The following PAFAH1B3 variants were observed in gnomAD, a reference collection of about 807,000 sequenced individuals.
PAFAH1B3 encodes the protein platelet-activating factor acetylhydrolase IB subunit alpha1.
Under a neutral mutation model 24.4 loss-of-function variants are expected in PAFAH1B3, and 15 were observed. That is an observed-to-expected ratio of 0.62 (90% confidence interval 0.41 to 0.95). PAFAH1B3 has a LOEUF of 0.95. Ranked by LOEUF, PAFAH1B3 falls within the 40% of genes least tolerant of loss-of-function variation. The pLI is 0.00. For missense variants in PAFAH1B3, 266 were observed against 312.2 expected (o/e 0.85, Z 1.12); for synonymous variants, 144 against 126.5 (o/e 1.14, Z -0.93).
At chr19:42,299,629 C>T (rs918755779) in intron 4 of PAFAH1B3, among the ~76,000 whole-genome samples, 14 of 151,362 alleles carry the variant, frequency 9.2e-5, no homozygotes, top group Admixed American at 7.9e-4. Context: ...GGGGTTTCAC[C>T]GTGTTAGCCA....
chr19:42,298,877 A>G (rs763544980), intron 4 of PAFAH1B3, among the ~76,000 whole-genome samples: 7 of 151,672 alleles, frequency 4.6e-5, no homozygotes, highest in Non-Finnish European at 7.4e-5. Context: ...GCAGTGGCAC[A>G]ATCTCGGCTC....
chr19:42,300,580 C>T (rs1362341055), intron 2 of PAFAH1B3, among the ~76,000 whole-genome samples: 1 of 152,174 alleles, frequency 6.6e-6, no homozygotes, highest in Non-Finnish European at 1.5e-5. Context: ...TGCACTGGCA[C>T]TATCTCGGCT....
At chr19:42,300,729 G>A (rs1365375263) in intron 2 of PAFAH1B3, among the ~76,000 whole-genome samples, 1 of 152,202 alleles carries the variant, frequency 6.6e-6, no homozygotes, top group Non-Finnish European at 1.5e-5. Flanking sequence ...ATGTGGGCCA[G>A]ACTGGTCTCG....
intron 2 of PAFAH1B3, among the ~76,000 whole-genome samples, chr19:42,300,750 C>T (rs1471046275): frequency 3.3e-5 from 5 of 152,282 alleles, no homozygotes; most frequent in South Asian, 2.1e-4. Flanking sequence ...AACTCCTGAC[C>T]TCAGGTGATC....
chr19:42,299,587 G>A (rs1178981085), intron 4 of PAFAH1B3, among the ~76,000 whole-genome samples: 4 of 151,850 alleles, frequency 2.6e-5, no homozygotes, highest in South Asian at 2.1e-4. Context: ...CACCACGCCC[G>A]GCTAATTTTT....
At chr19:42,301,363 C>T (rs1002491495) in intron 2 of PAFAH1B3, among the ~76,000 whole-genome samples, 1 of 152,138 alleles carries the variant, frequency 6.6e-6, no homozygotes, top group Non-Finnish European at 1.5e-5. Context: ...TACCACTGCA[C>T]GCCAGCCTGG....
intron 4 of PAFAH1B3, among the ~76,000 whole-genome samples, 163 bp from the exon 5 acceptor site, chr19:42,297,528 A>G (rs2038550102): frequency 6.6e-6 from 1 of 151,110 alleles, no homozygotes; most frequent in South Asian, 2.1e-4. Context: ...ATCACATCCT[A>G]GCCCTCATTT....
rs200201061 is a variant in PAFAH1B3, at chr19:42,300,060, G to A, written c.318C>T (p.His106=). The change falls in exon 4 of 5, where the codon CAC becomes CAT. Residue 106 remains histidine, a synonymous_variant. Coordinates refer to ENST00000262890, the MANE Select transcript of PAFAH1B3 (RefSeq NM_002573.4). ...IVVVWVGTNN[H]GHTAEQVTGG... Reference sequence around the variant, plus strand: ...CAGTCACCTGCTCTGCTGTGTGTCCGTGGTTGTTGGTGCCCACCCAGACCA... The same window carrying A: ...CAGTCACCTGCTCTGCTGTGTGTCCATGGTTGTTGGTGCCCACCCAGACCA... The A allele has an allele frequency of 1.3e-4, 209 of 1,614,162 alleles. 1 individual carries two copies. In the East Asian group the frequency reaches 4.3e-3, roughly 33 times the overall value.
rs1026324942 is a variant in PAFAH1B3 at position 42,300,275 on chromosome 19, G to A, written c.181C>T (p.Leu61Phe). The A allele has an allele frequency of 6.2e-7, 1 of 1,614,180 alleles. No homozygotes were observed. The highest frequency in any genetic ancestry group is 8.5e-7 in the Non-Finnish European group (1 of 1,180,000). Reference sequence around the variant, plus strand: ...TTAAGTGCATGCAGAGGAGAGAAGAGCTCGCGCCAGATCTGTGGGCAAGAA... The same window carrying A: ...TTAAGTGCATGCAGAGGAGAGAAGAACTCGCGCCAGATCTGTGGGCAAGAA... ...LMHQCEIWRE[L>F]FSPLHALNFG... Residue 61 changes from leucine (L) to phenylalanine (F), a missense_variant, in exon 3 of 5, where the codon CTC (leucine) becomes TTC (phenylalanine). By Grantham distance (22) the Leu-to-Phe change is conservative (BLOSUM62 0). Transcript: ENST00000262890.
rs533703628 is a variant in PAFAH1B3, at chr19:42,298,065, C to T, written c.409-700G>A. On this transcript the variant is annotated intron_variant, in intron 4 of 4. Transcript: ENST00000262890. Reference sequence around the variant, plus strand: ...CACAAAAATTAGTGGGACATGATGGCGTGTGCCTGTAGTCCCAGCTACTCG... The same window carrying T: ...CACAAAAATTAGTGGGACATGATGGTGTGTGCCTGTAGTCCCAGCTACTCG... Among the ~76,000 whole-genome samples, 76 of 152,116 alleles carry T rather than the reference C, an allele frequency of 5.0e-4. 1 individual carries two copies. Among genetic ancestry groups the T allele is most frequent in the African/African-American group, 1.8e-3 (73 of 41,494 alleles).
At chr19:42,299,650 G>C (rs1302441090) in intron 4 of PAFAH1B3, among the ~76,000 whole-genome samples, 1 of 151,392 alleles carries the variant, frequency 6.6e-6, no homozygotes, top group Non-Finnish European at 1.5e-5. Flanking sequence ...GGATGGTCTT[G>C]ATCTCCTGAC....
At chr19:42,300,332 G>A (rs751277637) in intron 2 of PAFAH1B3, 45 bp from the exon 3 acceptor site, 6 of 1,509,342 alleles carry the variant, frequency 4.0e-6, no homozygotes, top group Non-Finnish European at 9.2e-7. Flanking sequence ...AGGGGCACAA[G>A]GGCACTGTCC....
In PAFAH1B3 at chr19:42,302,213, C is replaced by T; in HGVS notation, c.78+19G>A. Reference sequence around the variant, plus strand: ...CCCGCGCCCCCGGACTCCTCAATATCCCAGGTGGGAACGCTCACCAGGGAC... The same window carrying T: ...CCCGCGCCCCCGGACTCCTCAATATTCCAGGTGGGAACGCTCACCAGGGAC... On this transcript the variant is annotated intron_variant, in intron 1 of 4. Coordinates refer to ENST00000262890, the MANE Select transcript of PAFAH1B3 (RefSeq NM_002573.4). 1 of 1,577,734 alleles carries T rather than the reference C, an allele frequency of 6.3e-7. No individual in the cohort carries two copies. Among genetic ancestry groups the T allele is most frequent in the Non-Finnish European group, 8.6e-7 (1 of 1,161,584 alleles).
At chr19:42,300,126 G>A in intron 3 of PAFAH1B3, 34 bp from the exon 4 acceptor site, 2 of 1,613,824 alleles carry the variant, frequency 1.2e-6, no homozygotes, top group Non-Finnish European at 8.5e-7. Context: ...AGCGGTGAGG[G>A]GGCAGCCAAA....
intron 4 of PAFAH1B3, among the ~76,000 whole-genome samples, chr19:42,298,453 T>G (rs1171792426): frequency 2.0e-5 from 3 of 152,162 alleles, no homozygotes; most frequent in Non-Finnish European, 4.4e-5. Context: ...ATTGCGTCAC[T>G]GCACTCTGGC....
chr19:42,302,153 G>A (rs1297521406), intron 1 of PAFAH1B3, 79 bp downstream of exon 1: 3 of 1,493,272 alleles, frequency 2.0e-6, no homozygotes, highest in Non-Finnish European at 2.7e-6. Flanking sequence ...CAGGTAGTGA[G>A]AGTGGCACGA....
At chr19:42,298,137 C>T (rs1255816281) in intron 4 of PAFAH1B3, among the ~76,000 whole-genome samples, 1 of 152,108 alleles carries the variant, frequency 6.6e-6, no homozygotes, top group African/African-American at 2.4e-5. Context: ...GCAGAAGTTG[C>T]AGTGAGCTGA....
At chr19:42,300,309 G>A in intron 2 of PAFAH1B3, 22 bp from the exon 3 acceptor site, 3 of 1,600,786 alleles carry the variant, frequency 1.9e-6, no homozygotes, top group Non-Finnish European at 2.6e-6. Context: ...AAGTGGTGTG[G>A]GCAAGAAGTG....
In PAFAH1B3 at chr19:42,302,436, C is replaced by G. The variant is rs1403854025; in HGVS notation, c.-127G>C. 1 of 818,696 alleles carries G rather than the reference C, an allele frequency of 1.2e-6. No homozygotes were observed. Among genetic ancestry groups the G allele is most frequent in the Non-Finnish European group, 1.9e-6 (1 of 532,382 alleles). 50.7% of individuals were successfully genotyped at this position (818,696 alleles called of 1,614,324 possible). On this transcript the variant is annotated 5_prime_UTR_variant, in exon 1 of 5. Coordinates refer to ENST00000262890, the MANE Select transcript of PAFAH1B3 (RefSeq NM_002573.4). ...AAAGGACCGTCCCAACGCTAGCACA[C>G]CCGCGGAGGACGAAGGCCGATACAG...
Sources: allele counts gnomAD v4.1 joint callset (sites outside exome capture counted in the v4.1 genomes callset), GRCh38; gene constraint gnomAD v4.1.1; transcripts MANE v1.5; gene names NCBI Gene and HGNC (gene_info 2026-07-23, HGNC 2026-07-21).